The following PRDM16 variants were observed in gnomAD, a reference collection of about 807,000 sequenced individuals.
PRDM16 encodes histone-lysine N-methyltransferase PRDM16.
A neutral mutation model predicts 110.6 loss-of-function variants in PRDM16; 23 were observed. The ratio of observed to expected loss-of-function variants is 0.21; its 90% CI spans 0.15 to 0.29. The LOEUF (loss-of-function observed/expected upper bound fraction) is 0.29. Among genes scored for constraint, PRDM16 ranks in the 10% least tolerant of loss-of-function variants. The pLI is 1.00. For synonymous variants in PRDM16, 799 were observed against 781.8 expected (o/e 1.02, Z -0.37); for missense variants, 1,615 against 1,794.3 (o/e 0.90, Z 1.81).
intron 2 of PRDM16, among the ~76,000 whole-genome samples, chr1:3,218,166 G>A (rs1356418398): frequency 4.6e-5 from 7 of 152,252 alleles, no homozygotes; most frequent in Non-Finnish European, 1.5e-5. Flanking sequence ...ACGGCCAGAG[G>A]AGGTGCCTGG....
chr1:3,251,972 C>CTCCCTCCTAAGATACCTG (rs1422309927), intron 3 of PRDM16, among the ~76,000 whole-genome samples: 4 of 152,208 alleles, frequency 2.6e-5, no homozygotes, highest in Non-Finnish European at 4.4e-5. Context: ...GCCACGCCGC[C>CTCCCTCCTAAGATACCTG]TCCCTCCTAA....
intron 3 of PRDM16, among the ~76,000 whole-genome samples, chr1:3,256,511 G>A (rs1406669753): frequency 6.6e-6 from 1 of 152,202 alleles, no homozygotes; most frequent in African/African-American, 2.4e-5. Context: ...AATGAGTCAA[G>A]GGGAACAATG....
intron 1 of PRDM16, among the ~76,000 whole-genome samples, chr1:3,174,381 C>T (rs1644062217): frequency 1.3e-5 from 2 of 152,140 alleles, no homozygotes; most frequent in South Asian, 4.1e-4. Context: ...CTTGAATGCA[C>T]CTTTTGGGGT....
At chr1:3,294,821 A>G (rs1641050412) in intron 3 of PRDM16, among the ~76,000 whole-genome samples, 1 of 152,212 alleles carries the variant, frequency 6.6e-6, no homozygotes, top group South Asian at 2.1e-4. Flanking sequence ...GGCACGGCCA[A>G]TGTTTTTGTT....
chr1:3,422,874 C>T (rs997586020), intron 12 of PRDM16, among the ~76,000 whole-genome samples: 6 of 152,182 alleles, frequency 3.9e-5, no homozygotes, highest in African/African-American at 9.6e-5. Flanking sequence ...CGCTGGGACC[C>T]GGGTGCCCGG....
chr1:3,404,235 C>A (rs12024847), intron 6 of PRDM16, among the ~76,000 whole-genome samples: 1 of 152,114 alleles, frequency 6.6e-6, no homozygotes, highest in Non-Finnish European at 1.5e-5. Context: ...GCGGCCCCTC[C>A]GAGCAGCTGT....
chr1:3,088,569 C>T (rs2100592543), intron 1 of PRDM16, among the ~76,000 whole-genome samples: 1 of 149,668 alleles, frequency 6.7e-6, no homozygotes, highest in East Asian at 2.0e-4. Flanking sequence ...GGGTTCAAGC[C>T]ATTCTCCCGC....
chr1:3,266,611 G>T (rs1247055280), intron 3 of PRDM16, among the ~76,000 whole-genome samples: 1 of 152,200 alleles, frequency 6.6e-6, no homozygotes, highest in East Asian at 1.9e-4. Flanking sequence ...CGGGAGGCAC[G>T]GGCCTGCACC....
rs374543707 is a variant in PRDM16, at chr1:3,434,732, C to T, written c.*921C>T. On this transcript the variant is annotated 3_prime_UTR_variant, in exon 17 of 17. Transcript: ENST00000270722. ...TCAATTATATGGGGAAGTCGAGGGCCTGTGGCTTGGATCCGCCATGCAGAG... is the reference window on the plus strand; with the variant it reads ...TCAATTATATGGGGAAGTCGAGGGCTTGTGGCTTGGATCCGCCATGCAGAG... 4.3e-6 allele frequency: 1 copy of T among 232,504 alleles called. No individual in the cohort carries two copies. The highest frequency in any genetic ancestry group is 1.8e-4 in the South Asian group (1 of 5,528). 14.4% of individuals were successfully genotyped at this position (232,504 alleles called of 1,614,324 possible). A position where few individuals can be genotyped will look rare whatever the true frequency, so the allele number is the denominator to read the frequency against.
chr1:3,137,222 T>C (rs999635638), intron 1 of PRDM16, among the ~76,000 whole-genome samples: 1 of 152,196 alleles, frequency 6.6e-6, no homozygotes, highest in African/African-American at 2.4e-5. Context: ...GGGCCTTTCC[T>C]GCAACAGCAA....
intron 1 of PRDM16, among the ~76,000 whole-genome samples, chr1:3,163,334 T>G (rs1643915032): frequency 7.4e-6 from 1 of 134,264 alleles, no homozygotes; most frequent in Non-Finnish European, 1.7e-5. Context: ...CAGAAGCCCC[T>G]GGCATGACCC....
intron 1 of PRDM16, among the ~76,000 whole-genome samples, chr1:3,172,974 G>A (rs1644042908): frequency 6.6e-6 from 1 of 152,238 alleles, no homozygotes; most frequent in South Asian, 2.1e-4. Flanking sequence ...AGTCTTTCTA[G>A]AAGCACGCTG....
At chr1:3,416,844 G>A (rs946781779) in intron 10 of PRDM16, among the ~76,000 whole-genome samples, 1 of 152,204 alleles carries the variant, frequency 6.6e-6, no homozygotes, top group Non-Finnish European at 1.5e-5. Flanking sequence ...CTCAGGGGAT[G>A]ATGAACACTC....
In PRDM16 at chr1:3,243,233, C is replaced by T. The variant is rs1204614658; in HGVS notation, c.388-854C>T. On this transcript the variant is annotated intron_variant, in intron 2 of 16. Coordinates refer to ENST00000270722, the MANE Select transcript of PRDM16 (RefSeq NM_022114.4). The surrounding 1 kb of genome is among the most constrained non-coding windows in gnomAD (Gnocchi z 5.5). ...GGTCCTCAGTGGCCACCCCGGGCAC[C>T]TGCATGGCACTAGGCACAGCGGCTT... is the stretch of plus-strand genomic sequence containing the variant. Among the ~76,000 whole-genome samples the T allele has an allele frequency of 2.6e-5, 4 of 152,246 alleles. No individual in the cohort carries two copies. The highest frequency in any genetic ancestry group is 9.6e-5 in the African/African-American group (4 of 41,474).
intron 1 of PRDM16, among the ~76,000 whole-genome samples, chr1:3,098,803 G>A (rs1485573758): frequency 6.6e-6 from 1 of 152,228 alleles, no homozygotes; most frequent in African/African-American, 2.4e-5. Context: ...AGAGCTGGCT[G>A]CCTCCTTGGG....
At chr1:3,404,298 G>A (rs1273848398) in intron 6 of PRDM16, among the ~76,000 whole-genome samples, 1 of 152,174 alleles carries the variant, frequency 6.6e-6, no homozygotes, top group African/African-American at 2.4e-5. Context: ...CCCGACCTGC[G>A]TCCTCGGTGT....
intron 3 of PRDM16, among the ~76,000 whole-genome samples, chr1:3,273,026 C>T (rs1033890431): frequency 1.3e-5 from 2 of 152,124 alleles, no homozygotes; most frequent in East Asian, 1.9e-4. Context: ...GTGCTGTGGT[C>T]GAGAGGGCAG....
chr1:3,238,879 G>A (rs1211310158), intron 2 of PRDM16, among the ~76,000 whole-genome samples: 3 of 152,240 alleles, frequency 2.0e-5, no homozygotes, highest in South Asian at 2.1e-4. Context: ...GCAGCTCCTC[G>A]ACATCTGCCC....
At chr1:3,252,961 C>T (rs1049010293) in intron 3 of PRDM16, among the ~76,000 whole-genome samples, 3 of 152,124 alleles carry the variant, frequency 2.0e-5, no homozygotes, top group Non-Finnish European at 4.4e-5. Flanking sequence ...ATTCCCCCTC[C>T]CTGGCTCCGA....
Sources: allele counts gnomAD v4.1 joint callset (sites outside exome capture counted in the v4.1 genomes callset), GRCh38; gene constraint gnomAD v4.1.1; non-coding constraint Gnocchi (gnomAD v3.1); transcripts MANE v1.5; gene names NCBI Gene and HGNC (gene_info 2026-07-23, HGNC 2026-07-21).